CACNA1S: variants seen among roughly 807,000 people sequenced by gnomAD.
The protein encoded by CACNA1S is voltage-dependent L-type calcium channel subunit alpha-1S.
In CACNA1S, 126 loss-of-function variants were observed where a neutral mutation model predicts 207.4. That is an observed-to-expected ratio of 0.61 (90% CI 0.53 to 0.70). The LOEUF is 0.70. Among genes scored for constraint, CACNA1S ranks in the 30% least tolerant of loss-of-function variants. The probability of loss-of-function intolerance (pLI) is 0.00; values close to 1 mark genes in which losing one functional copy is unlikely to be tolerated. For missense variants in CACNA1S, 2,349 were observed against 2,422.8 expected (o/e 0.97, Z 0.64); for synonymous variants, 960 against 932.7 (o/e 1.03, Z -0.53).
chr1:201,043,273 G>GTTTT lies in CACNA1S; in HGVS notation c.5048+7_5048+8insAAAA. On this transcript the variant is annotated splice_region_variant and intron_variant, in intron 40 of 43. Coordinates refer to ENST00000362061, the MANE Select transcript of CACNA1S (RefSeq NM_000069.3). ...TCTACACCCAGGGATGGCAGTGGCC[G>GTTTT]CCACTACCTGGAAAACACATGGCTG... 6.2e-7 allele frequency: 1 copy of GTTTT among 1,614,112 alleles called. No individual in the cohort carries two copies. The highest frequency in any genetic ancestry group is 8.5e-7 in the Non-Finnish European group (1 of 1,180,010).
chr1:201,106,408 C>T (rs1474610577), intron 2 of CACNA1S, among the ~76,000 whole-genome samples: 74 of 152,064 alleles, frequency 4.9e-4, no homozygotes, highest in Admixed American at 4.8e-3. Context: ...TGTCTCTTGC[C>T]TCCAGCCCTT....
rs761226148 is a variant in CACNA1S, at chr1:201,050,555, C to T, written c.4114-39G>A. On this transcript the variant is annotated intron_variant, in intron 33 of 43. Coordinates refer to ENST00000362061, the MANE Select transcript of CACNA1S (RefSeq NM_000069.3). ...ACCAAGGGGTCCCAACACAGAAAGGCAGGTGGTACAGGGTTAGGGTGGGGG... is the reference window on the plus strand; with the variant it reads ...ACCAAGGGGTCCCAACACAGAAAGGTAGGTGGTACAGGGTTAGGGTGGGGG... 5.6e-6 allele frequency: 9 copies of T among 1,612,820 alleles called. No individual in the cohort carries two copies. In the Admixed American group the frequency reaches 1.5e-4, roughly 27 times the overall value.
At position 201,040,001 on chromosome 1, in the gene CACNA1S, A is replaced by T. The variant is rs1275970680; in HGVS notation, c.5452T>A (p.Cys1818Ser). 1 of 1,614,234 alleles carries T rather than the reference A, an allele frequency of 6.2e-7. No individual in the cohort carries two copies. Among genetic ancestry groups the T allele is most frequent in the Admixed American group, 1.7e-5 (1 of 60,030 alleles). ...MATGQALADACQMEPEEVEIM... is the reference protein window; with the variant it reads ...MATGQALADASQMEPEEVEIM... ...TCCACTTCCTCTGGTTCCATTTGGC[A>T]GGCATCTGCCAGGGCCTGGCCTGTT... The change falls in exon 44 of 44, where the codon TGC (cysteine) becomes AGC (serine). Residue 1818 changes from cysteine to serine, a missense_variant. Transcript: ENST00000362061.
intron 2 of CACNA1S, among the ~76,000 whole-genome samples, chr1:201,104,114 G>A (rs1489054519): frequency 6.6e-6 from 1 of 152,206 alleles, no homozygotes; most frequent in Non-Finnish European, 1.5e-5. Flanking sequence ...TATCATGTTG[G>A]AGCATTTTAT....
In CACNA1S at chr1:201,043,323, G is replaced by A. The variant is rs780961159; in HGVS notation, c.5006C>T (p.Ala1669Val). 6.2e-7 allele frequency: 1 copy of A among 1,614,222 alleles called. No homozygotes were observed. The change falls in exon 40 of 44, where the codon GCC (alanine) becomes GTC (valine). Residue 1669 changes from alanine (A) to valine (V), a missense_variant. By Grantham distance (64) the Ala-to-Val change is moderately conservative. Coordinates refer to ENST00000362061, the MANE Select transcript of CACNA1S (RefSeq NM_000069.3). ...GTTGCTATGGTTGCTGTTGCCATAG[G>A]CGACATTGGCGTTGGCATTGTTGGT... ...ANTNNANANV[A>V]YGNSNHSNSH...
In CACNA1S at chr1:201,077,031, G is replaced by A; in HGVS notation, c.1716C>T (p.Ile572=). 5 of 1,614,190 alleles carry A rather than the reference G, an allele frequency of 3.1e-6. No homozygotes were observed. The highest frequency in any genetic ancestry group is 4.2e-6 in the Non-Finnish European group (5 of 1,180,032). ...AGAGCTGCATGCCCAGGAGGGCGAA[G>A]ATGACGATGAAGAGGAAGAGCAGCA... The part of the protein sequence containing the change: ...LLLLLFLFIV[I]FALLGMQLFG... Residue 572 remains isoleucine (I), a synonymous_variant, in exon 12 of 44, where the codon ATC becomes ATT. Transcript: ENST00000362061.
chr1:201,049,856 G>A (rs950944723), intron 34 of CACNA1S, among the ~76,000 whole-genome samples: 2 of 152,132 alleles, frequency 1.3e-5, no homozygotes, highest in East Asian at 1.9e-4. Flanking sequence ...ATGGACTGGG[G>A]CAACTTACTT....
At chr1:201,064,328 G>T (rs1049109375) in intron 22 of CACNA1S, among the ~76,000 whole-genome samples, 11 of 152,194 alleles carry the variant, frequency 7.2e-5, no homozygotes, top group African/African-American at 2.4e-4. Context: ...AGCTGGCAGA[G>T]TGGCCAGACA....
intron 2 of CACNA1S, among the ~76,000 whole-genome samples, chr1:201,109,757 A>C (rs1454091727): frequency 6.6e-6 from 1 of 152,212 alleles, no homozygotes; most frequent in African/African-American, 2.4e-5. Context: ...AGTGGACACA[A>C]GTTTCTTATG....
rs1558076872 is a variant in CACNA1S, at chr1:201,085,449, C to T, written c.1137G>A (p.Glu379=). The change falls in exon 8 of 44, where the codon GAG becomes GAA. Residue 379 remains glutamate, a synonymous_variant. Coordinates refer to ENST00000362061, the MANE Select transcript of CACNA1S (RefSeq NM_000069.3). Reference sequence around the variant, plus strand: ...TTGGGCCCAAACCTTCTCTGAAGTCCTCAACATCCATGACCTCGCCCTGCG... The same window carrying T: ...TTGGGCCCAAACCTTCTCTGAAGTCTTCAACATCCATGACCTCGCCCTGCG... ...WITQGEVMDV[E]DFREGKLSLD... 1.2e-6 allele frequency: 2 copies of T among 1,613,664 alleles called. No homozygotes were observed. The highest frequency in any genetic ancestry group is 8.5e-7 in the Non-Finnish European group (1 of 1,179,980).
intron 29 of CACNA1S, among the ~76,000 whole-genome samples, chr1:201,054,071 C>T (rs1242623829): frequency 4.6e-5 from 7 of 152,224 alleles, no homozygotes; most frequent in African/African-American, 9.6e-5. Context: ...ACCCTGCACA[C>T]GGCTGTTCTA....
intron 2 of CACNA1S, among the ~76,000 whole-genome samples, chr1:201,100,113 T>A (rs143356771): frequency 2.6e-5 from 4 of 152,316 alleles, no homozygotes; most frequent in African/African-American, 4.8e-5. Context: ...GCTGCAGTGA[T>A]CCCTCTCCAT....
At chr1:201,096,592 G>A (rs1662443459) in intron 2 of CACNA1S, among the ~76,000 whole-genome samples, 2 of 152,210 alleles carry the variant, frequency 1.3e-5, no homozygotes, top group African/African-American at 4.8e-5. Flanking sequence ...CAGGTGGGAG[G>A]CAGAAGATGT....
chr1:201,077,842 C>T (rs747103445), intron 11 of CACNA1S, 37 bp downstream of exon 11: 27 of 1,485,288 alleles, frequency 1.8e-5, no homozygotes, highest in Admixed American at 5.1e-5. Flanking sequence ...TGGTGCCTGC[C>T]GGGGACCCGG....
chr1:201,058,866 T>C (rs1660942574), intron 27 of CACNA1S, among the ~76,000 whole-genome samples: 1 of 152,098 alleles, frequency 6.6e-6, no homozygotes. Flanking sequence ...ACCATGGCAA[T>C]GGACTTGAGA....
rs140453525 is a variant in CACNA1S, at chr1:201,062,040, C to T, written c.2957G>A (p.Arg986His). The stretch of plus-strand genomic sequence containing the variant: ...GTCGCTGTGTACCCACTCGCGGTGA[C>T]GCAGCTCTATCTGCATGGGGTCCCC... Reference protein sequence around the residue: ...KDGDPMQIELRHREWVHSDFH... With the variant: ...KDGDPMQIELHHREWVHSDFH... Residue 986 changes from arginine (R) to histidine (H), a missense_variant, in exon 24 of 44, where the codon CGT (arginine) becomes CAT (histidine). Arg to His is a conservative substitution (Grantham distance 29, BLOSUM62 0). Coordinates refer to ENST00000362061, the MANE Select transcript of CACNA1S (RefSeq NM_000069.3). 122 of 1,614,174 alleles carry T rather than the reference C, an allele frequency of 7.6e-5. No homozygotes were observed. In the African/African-American group the frequency reaches 8.1e-4, roughly 11 times the overall value.
rs776908038 is a variant in CACNA1S, at chr1:201,054,513, C to T, written c.3658G>A (p.Gly1220Arg). 27 of 1,613,862 alleles carry T rather than the reference C, an allele frequency of 1.7e-5. No homozygotes were observed. Among genetic ancestry groups the T allele is most frequent in the South Asian group, 3.3e-5 (3 of 91,050 alleles). The part of the protein sequence containing the change: ...GGLYCLGGGC[G>R]NVDPDESARI... The stretch of plus-strand genomic sequence containing the variant: ...GTGCAGCCTGAAATTACAACGTTCC[C>T]GCAGCCTCCACCCAGGCAATACAGT... The change falls in exon 29 of 44, where the codon GGG (glycine) becomes AGG (arginine). Residue 1220 changes from glycine to arginine, a missense_variant. Gly to Arg is a moderately radical substitution (Grantham distance 125). Transcript: ENST00000362061.
intron 1 of CACNA1S, among the ~76,000 whole-genome samples, chr1:201,111,969 C>CCTCCCCCACCCTCCTCCTCTTCCTCCTA: frequency 7.0e-6 from 1 of 142,626 alleles, no homozygotes; most frequent in Admixed American, 6.9e-5. Flanking sequence ...TCTTCCTCCT[C>CCTCCCCCACCCTCCTCCTCTTCCTCCTA]CTCCCCCACC....
At chr1:201,087,563 G>A (rs758738371) in intron 7 of CACNA1S, among the ~76,000 whole-genome samples, 12 of 152,098 alleles carry the variant, frequency 7.9e-5, no homozygotes, top group Non-Finnish European at 1.5e-4. Flanking sequence ...AAGGGCTCCT[G>A]TGTGCCTCTC....
Sources: allele counts gnomAD v4.1 joint callset (sites outside exome capture counted in the v4.1 genomes callset), GRCh38; gene constraint gnomAD v4.1.1; transcripts MANE v1.5; gene names NCBI Gene and HGNC (gene_info 2026-07-23, HGNC 2026-07-21).